TNRC6B: variants seen among roughly 807,000 people sequenced by gnomAD.
TNRC6B encodes trinucleotide repeat containing adaptor 6B.
In TNRC6B, 52 loss-of-function variants were observed where a neutral mutation model predicts 203.6. The observed-to-expected ratio is 0.26, with a 90% CI of 0.20 to 0.32. The LOEUF is 0.32. Ranked by LOEUF, TNRC6B falls within the 10% of genes least tolerant of loss-of-function variation. The pLI, the probability that TNRC6B is intolerant of heterozygous loss-of-function variation, is 1.00. For missense variants in TNRC6B, 1,923 were observed against 2,286.2 expected (o/e 0.84, Z 3.24); for synonymous variants, 838 against 845.7 (o/e 0.99, Z 0.16).
intron 2 of TNRC6B, among the ~76,000 whole-genome samples, chr22:40,122,858 T>C (rs1165310653): frequency 2.0e-5 from 3 of 152,178 alleles, no homozygotes; most frequent in Non-Finnish European, 4.4e-5. Context: ...ATAACTACTA[T>C]TCCCAAGTTT....
At chr22:40,173,536 C>T (rs778486373), upstream of TNRC6B, among the ~76,000 whole-genome samples, 37 of 150,510 alleles carry the variant, frequency 2.5e-4, no homozygotes, top group African/African-American at 5.4e-4. Context: ...GCTCAGCCTC[C>T]GGAGTAGCTA....
chr22:40,191,703 T>C (rs2069275778), intron 1 of TNRC6B, among the ~76,000 whole-genome samples: 1 of 152,162 alleles, frequency 6.6e-6, no homozygotes. Flanking sequence ...TGCCTCAGCC[T>C]CCTGAGTAGC....
At chr22:40,321,512 G>A in intron 22 of TNRC6B, 1 of 325,074 alleles carries the variant, frequency 3.1e-6, no homozygotes, top group Non-Finnish European at 5.9e-6. Flanking sequence ...CTAGGGCCGG[G>A]CACAGTGGCC....
chr22:40,136,449 A>C (rs1210665628), intron 3 of TNRC6B, among the ~76,000 whole-genome samples: 2 of 146,440 alleles, frequency 1.4e-5, no homozygotes, highest in Non-Finnish European at 3.0e-5. Flanking sequence ...CGTAGGCTGG[A>C]GTATAGTAGC....
intron 1 of TNRC6B, among the ~76,000 whole-genome samples, chr22:40,077,024 GAA>G (rs1228778106): frequency 1.7e-5 from 2 of 119,930 alleles, no homozygotes; most frequent in Non-Finnish European, 3.5e-5. Context: ...GAAAAGAAGA[GAA>G]AAAAAGAAAA....
intron 1 of TNRC6B, among the ~76,000 whole-genome samples, chr22:40,078,784 G>A (rs2068041221): frequency 6.6e-6 from 1 of 151,506 alleles, no homozygotes; most frequent in Non-Finnish European, 1.5e-5. Flanking sequence ...GTAGAAACAG[G>A]GTTTCTTTGC....
rs1409521888 is a variant in TNRC6B, at chr22:40,132,960, A to T, written c.45+7098A>T. Among the ~76,000 whole-genome samples, 14 of 116,752 alleles carry T rather than the reference A, an allele frequency of 1.2e-4. 1 individual carries two copies. Among genetic ancestry groups the T allele is most frequent in the Non-Finnish European group, 1.8e-4 (10 of 56,800 alleles). The allele number at this position is 116,752 out of a possible 152,430, so 76.6% of individuals were successfully genotyped here. A position where few individuals can be genotyped will look rare whatever the true frequency, so the allele number is the denominator to read the frequency against. Reference sequence around the variant, plus strand: ...CTCTGTCTCAAAAAAAAAAAAAAAAAAAAAAAAAAATATATATATATATAT... The same window carrying T: ...CTCTGTCTCAAAAAAAAAAAAAAAATAAAAAAAAAATATATATATATATAT... On this transcript the variant is annotated intron_variant, in intron 3 of 23. Transcript: ENST00000301923.
At chr22:40,173,793 ATTTT>A (rs1160322782), upstream of TNRC6B, among the ~76,000 whole-genome samples, 18 of 64,876 alleles carry the variant, frequency 2.8e-4, no homozygotes, top group South Asian at 2.1e-3. Context: ...ATATATATAT[ATTTT>A]TTTTTTTTTT....
intron 4 of TNRC6B, among the ~76,000 whole-genome samples, chr22:40,158,872 AT>A (rs780250197): frequency 7.2e-5 from 11 of 152,120 alleles, no homozygotes; most frequent in Non-Finnish European, 1.0e-4. Flanking sequence ...TACAAAACAA[AT>A]TTTTTTTAAA....
At chr22:40,286,598 A>AG (rs2070786502) in intron 12 of TNRC6B, among the ~76,000 whole-genome samples, 1 of 152,176 alleles carries the variant, frequency 6.6e-6, no homozygotes, top group Non-Finnish European at 1.5e-5. Context: ...TAGGTGCTCT[A>AG]GGGGGAGTTT....
intron 4 of TNRC6B, among the ~76,000 whole-genome samples, chr22:40,163,544 C>G (rs1463963787): frequency 7.1e-6 from 1 of 141,022 alleles, no homozygotes; most frequent in Admixed American, 7.4e-5. Context: ...GGGCAGATCA[C>G]CTGAGGTCAG....
chr22:40,279,527 G>A (rs539448831), intron 9 of TNRC6B, among the ~76,000 whole-genome samples: 1 of 152,138 alleles, frequency 6.6e-6, no homozygotes, highest in Non-Finnish European at 1.5e-5. Flanking sequence ...CAACCACTGT[G>A]CCTCTTTGAT....
chr22:40,103,350 C>G (rs976712242), intron 1 of TNRC6B, among the ~76,000 whole-genome samples: 2 of 152,160 alleles, frequency 1.3e-5, no homozygotes, highest in Admixed American at 6.5e-5. Flanking sequence ...CCACAGAGAT[C>G]CCTCTTGCCC....
chr22:40,049,223 C>A (rs1379223310), intron 1 of TNRC6B, among the ~76,000 whole-genome samples: 1 of 152,060 alleles, frequency 6.6e-6, no homozygotes, highest in African/African-American at 2.4e-5. Context: ...TGGTCTCGAA[C>A]TCCCGACCTT....
chr22:40,128,075 A>G (rs776249324), intron 3 of TNRC6B, among the ~76,000 whole-genome samples: 11 of 152,244 alleles, frequency 7.2e-5, no homozygotes, highest in Non-Finnish European at 1.6e-4. Context: ...TCAGTTCAGA[A>G]TGAATTAGAC....
At chr22:40,069,306 A>G (rs955130960) in intron 1 of TNRC6B, among the ~76,000 whole-genome samples, 4 of 150,392 alleles carry the variant, frequency 2.7e-5, no homozygotes, top group South Asian at 2.1e-4. Flanking sequence ...GGGTCTCCCT[A>G]TGTTGTCCAG....
At chr22:40,096,790 C>T (rs988278392) in intron 1 of TNRC6B, among the ~76,000 whole-genome samples, 6 of 152,082 alleles carry the variant, frequency 3.9e-5, no homozygotes, top group African/African-American at 1.4e-4. Flanking sequence ...TTTATTGATC[C>T]ACCTACACAT....
intron 21 of TNRC6B, among the ~76,000 whole-genome samples, chr22:40,319,918 C>A (rs148801381): frequency 2.2e-4 from 33 of 152,142 alleles, no homozygotes; most frequent in Non-Finnish European, 4.0e-4. Context: ...TCTTTCATCA[C>A]CTAAAATTTA....
intron 13 of TNRC6B, 157 bp from the exon 14 acceptor site, chr22:40,300,753 A>G: frequency 1.6e-6 from 2 of 1,223,906 alleles, no homozygotes; most frequent in Non-Finnish European, 2.3e-6. Context: ...GCTCAACTGG[A>G]GGAAAATGTA....
Sources: gnomAD v4.1 joint callset for allele counts (sites outside exome capture counted in the v4.1 genomes callset) on GRCh38, gnomAD v4.1.1 for gene constraint, MANE v1.5 for transcripts, NCBI Gene and HGNC (gene_info 2026-07-23, HGNC 2026-07-21) for gene names.